COL26A1: variants seen among roughly 807,000 people sequenced by gnomAD.
The protein encoded by COL26A1 is collagen type XXVI alpha 1 chain, also known as collagen alpha-1(XXVI) chain.
A neutral mutation model predicts 59.3 loss-of-function variants in COL26A1; 41 were observed. That is an observed-to-expected ratio of 0.69 (90% CI 0.54 to 0.90). COL26A1 has a LOEUF of 0.90. COL26A1 is among the 40% of genes least tolerant of loss of function. The probability of loss-of-function intolerance (pLI) is 0.00; values close to 1 mark genes in which losing one functional copy is unlikely to be tolerated. For missense variants in COL26A1, 612 were observed against 602.3 expected (o/e 1.02, Z -0.17); for synonymous variants, 266 against 256.0 (o/e 1.04, Z -0.37).
intron 2 of COL26A1, among the ~76,000 whole-genome samples, chr7:101,434,041 CT>C (rs57638167): frequency 0.021 from 1,677 of 79,044 alleles, 96 homozygotes; most frequent in African/African-American, 0.087. Flanking sequence ...ACTCCCTTCC[CT>C]TCCCTCCCTC....
At chr7:101,419,889 G>GCC in intron 1 of COL26A1, 88 bp from the exon 2 acceptor site, 1 of 1,483,584 alleles carries the variant, frequency 6.7e-7, no homozygotes, top group East Asian at 2.4e-5. Flanking sequence ...GTTTGCGGGG[G>GCC]CCCCTCCCTG....
chr7:101,401,767 G>GA (rs1562963566), intron 1 of COL26A1, among the ~76,000 whole-genome samples: 4 of 146,740 alleles, frequency 2.7e-5, no homozygotes, highest in African/African-American at 1.0e-4. Flanking sequence ...GAGGAGGAGG[G>GA]AGAAGAGGAG....
At chr7:101,555,620 A>C (rs559782626) in intron 11 of COL26A1, among the ~76,000 whole-genome samples, 167 bp from the exon 12 acceptor site, 13 of 152,190 alleles carry the variant, frequency 8.5e-5, no homozygotes, top group African/African-American at 3.1e-4. Context: ...CCTGTCTGGC[A>C]CATAGTTGAT....
intron 3 of COL26A1, among the ~76,000 whole-genome samples, chr7:101,518,555 G>A (rs1795077850): frequency 6.6e-6 from 1 of 152,232 alleles, no homozygotes. Flanking sequence ...TCAGGCCCAG[G>A]CGGGGCCAGC....
chr7:101,535,465 C>A lies in COL26A1; in HGVS notation c.447+2322C>A, dbSNP rs541349437. Among the ~76,000 whole-genome samples, 6 of 152,256 alleles carry A rather than the reference C, an allele frequency of 3.9e-5. 1 individual carries two copies. Among genetic ancestry groups the A allele is most frequent in the Admixed American group, 2.0e-4 (3 of 15,294 alleles). The stretch of plus-strand genomic sequence containing the variant: ...GCTCTAGGGTAGGATGGCCACATTG[C>A]CAGCTGTCCCCCACCCACCTGGCCC... On this transcript the variant is annotated intron_variant, in intron 4 of 12. Transcript: ENST00000313669.
At chr7:101,443,945 A>G (rs776337323) in intron 2 of COL26A1, among the ~76,000 whole-genome samples, 17 of 145,832 alleles carry the variant, frequency 1.2e-4, no homozygotes, top group Non-Finnish European at 2.1e-4. Flanking sequence ...GATCATGCTC[A>G]CTGTAGCCTC....
At chr7:101,532,955 G>A (rs571963779) in intron 3 of COL26A1, 127 bp from the exon 4 acceptor site, 3 of 713,986 alleles carry the variant, frequency 4.2e-6, no homozygotes, top group East Asian at 2.7e-5. Flanking sequence ...ATGAATAGGA[G>A]TTTTCCAGGC....
intron 1 of COL26A1, among the ~76,000 whole-genome samples, chr7:101,391,468 A>T (rs1296797236): frequency 1.3e-5 from 2 of 152,132 alleles, no homozygotes; most frequent in Non-Finnish European, 2.9e-5. Flanking sequence ...TCAGAAGCAA[A>T]CTAGAGTCTT....
chr7:101,512,178 A>C (rs1794939561), intron 3 of COL26A1, among the ~76,000 whole-genome samples: 1 of 152,132 alleles, frequency 6.6e-6, no homozygotes. Context: ...GAGTCAGCAC[A>C]GGGGAGGAGG....
chr7:101,436,741 A>G (rs1244516901), intron 2 of COL26A1, among the ~76,000 whole-genome samples: 1 of 148,792 alleles, frequency 6.7e-6, no homozygotes, highest in Admixed American at 6.7e-5. Context: ...TTTGAGACAG[A>G]GTCTCACTCT....
intron 1 of COL26A1, among the ~76,000 whole-genome samples, chr7:101,411,728 G>A (rs1464071738): frequency 1.3e-5 from 2 of 152,084 alleles, no homozygotes; most frequent in African/African-American, 2.4e-5. Context: ...TAGGCAAGCA[G>A]GCAGGCACAG....
chr7:101,367,939 G>GGT (rs896342068), intron 1 of COL26A1, among the ~76,000 whole-genome samples: 7 of 152,202 alleles, frequency 4.6e-5, no homozygotes, highest in Non-Finnish European at 1.0e-4. Context: ...TGGAAAGCTG[G>GGT]GTGTTAAATA....
chr7:101,429,420 C>A (rs1233519788), intron 2 of COL26A1, among the ~76,000 whole-genome samples: 1 of 151,690 alleles, frequency 6.6e-6, no homozygotes, highest in Admixed American at 6.6e-5. Flanking sequence ...TCTCAAAAAT[C>A]ATTTGGACAT....
At chr7:101,479,515 A>G (rs576991321) in intron 3 of COL26A1, among the ~76,000 whole-genome samples, 42 of 152,254 alleles carry the variant, frequency 2.8e-4, no homozygotes, top group Non-Finnish European at 3.2e-4. Context: ...GAGGTAATTC[A>G]TTCCTTTTCT....
chr7:101,405,988 T>C (rs1299656207), intron 1 of COL26A1, among the ~76,000 whole-genome samples: 1 of 152,154 alleles, frequency 6.6e-6, no homozygotes, highest in Non-Finnish European at 1.5e-5. Flanking sequence ...GCTGAGAGGC[T>C]GGTGGCACGG....
intron 3 of COL26A1, among the ~76,000 whole-genome samples, chr7:101,466,795 G>GGTGTGTGT (rs59942660): frequency 0.028 from 3,497 of 125,036 alleles, 103 homozygotes; most frequent in Middle Eastern, 0.071. Context: ...GGCATGTTCT[G>GGTGTGTGT]GTGTGTGTGT....
chr7:101,420,387 C>T (rs1364771485), intron 2 of COL26A1, among the ~76,000 whole-genome samples: 2 of 152,100 alleles, frequency 1.3e-5, no homozygotes, highest in East Asian at 1.9e-4. Flanking sequence ...GATCCGAGGT[C>T]GGGGAAGGCC....
chr7:101,450,801 AATAT>A (rs1321567351), intron 3 of COL26A1, among the ~76,000 whole-genome samples: 4 of 147,644 alleles, frequency 2.7e-5, no homozygotes, highest in African/African-American at 9.9e-5. Context: ...AGTCTATATG[AATAT>A]GAATTCCATA....
chr7:101,380,292 ATTTTTTTTT>A (rs34990402), intron 1 of COL26A1, among the ~76,000 whole-genome samples: 11 of 115,904 alleles, frequency 9.5e-5, no homozygotes, highest in African/African-American at 2.2e-4. Flanking sequence ...ACCCAGCTAC[ATTTTTTTTT>A]TTTTTTTTTT....
Sources: gnomAD v4.1 joint callset for allele counts (sites outside exome capture counted in the v4.1 genomes callset) on GRCh38, gnomAD v4.1.1 for gene constraint, MANE v1.5 for transcripts, NCBI Gene and HGNC (gene_info 2026-07-23, HGNC 2026-07-21) for gene names.